The following ANKRD45 variants were observed in gnomAD, a reference collection of about 807,000 sequenced individuals.
ANKRD45 encodes the protein ankyrin repeat domain 45.
A neutral mutation model predicts 28.1 loss-of-function variants in ANKRD45; 21 were observed. That is an observed-to-expected ratio of 0.75 (90% CI 0.53 to 1.08). ANKRD45 has a LOEUF of 1.08. Among genes scored for constraint, ANKRD45 ranks in the 50% least tolerant of loss-of-function variants. The pLI is 0.00. For synonymous variants in ANKRD45, 86 were observed against 103.9 expected, an observed-to-expected ratio of 0.83 and a Z score of 1.05; for missense variants, 261 against 308.7, an observed-to-expected ratio of 0.85 and a Z score of 1.16.
the ANKRD45 span, among the ~76,000 whole-genome samples, chr1:173,700,861 A>G: frequency 6.6e-6 from 1 of 152,266 alleles, no homozygotes; most frequent in East Asian, 1.9e-4. Context: ...ACAGCAAAAG[A>G]AACTACCATC....
At chr1:173,644,157 G>A (rs1015867906) in intron 3 of ANKRD45, among the ~76,000 whole-genome samples, 1 of 152,042 alleles carries the variant, frequency 6.6e-6, no homozygotes, top group Admixed American at 6.6e-5. Context: ...GACTATTTGG[G>A]GTAGGGATTT....
chr1:173,668,572 T>C (rs1293248173), intron 1 of ANKRD45, among the ~76,000 whole-genome samples: 1 of 152,148 alleles, frequency 6.6e-6, no homozygotes, highest in Admixed American at 6.5e-5. Flanking sequence ...CAGGGCACCA[T>C]CTCAAGGAAA....
chr1:173,680,721 A>T, the ANKRD45 span, among the ~76,000 whole-genome samples: 1 of 152,196 alleles, frequency 6.6e-6, no homozygotes, highest in Non-Finnish European at 1.5e-5. Context: ...ACCAACCCAA[A>T]TGCCCACCAC....
chr1:173,643,980 G>C (rs1246019832), intron 3 of ANKRD45, among the ~76,000 whole-genome samples: 1 of 152,136 alleles, frequency 6.6e-6, no homozygotes, highest in Non-Finnish European at 1.5e-5. Context: ...TTCTAGAAAT[G>C]TTTGTTTCAT....
At chr1:173,694,833 T>C in the ANKRD45 span, among the ~76,000 whole-genome samples, 1 of 152,140 alleles carries the variant, frequency 6.6e-6, no homozygotes, top group Non-Finnish European at 1.5e-5. Flanking sequence ...TCCATAACCA[T>C]GGAATTTAAG....
At chr1:173,625,596 C>T (rs1422285530) in intron 4 of ANKRD45, among the ~76,000 whole-genome samples, 1 of 152,046 alleles carries the variant, frequency 6.6e-6, no homozygotes, top group Non-Finnish European at 1.5e-5. Context: ...GTGGTATGTC[C>T]TGTCCATACT....
intron 3 of ANKRD45, chr1:173,635,870 T>C: frequency 6.9e-7 from 1 of 1,458,250 alleles, no homozygotes; most frequent in Non-Finnish European, 9.2e-7. Context: ...CAAGTAGTAA[T>C]AGTTACAAAA....
At chr1:173,686,979 T>C in the ANKRD45 span, among the ~76,000 whole-genome samples, 1 of 152,194 alleles carries the variant, frequency 6.6e-6, no homozygotes, top group Non-Finnish European at 1.5e-5. Flanking sequence ...GTTAGTGCTT[T>C]AAGAAAAACC....
At position 173,609,263 on chromosome 1, in the gene ANKRD45, C is replaced by T. The variant is rs1667046336; in HGVS notation, c.*882G>A. Among the ~76,000 whole-genome samples, 2 of 152,122 alleles carry T rather than the reference C, an allele frequency of 1.3e-5. No homozygotes were observed. The highest frequency in any genetic ancestry group is 4.8e-5 in the African/African-American group (2 of 41,428). Reference sequence around the variant, plus strand: ...AATTACCCATTCCTTTTCCTTCTCCCCATAAGGGAAAACTAGCTTTCAGAA... The same window carrying T: ...AATTACCCATTCCTTTTCCTTCTCCTCATAAGGGAAAACTAGCTTTCAGAA... On this transcript the variant is annotated 3_prime_UTR_variant, in exon 6 of 6. Coordinates refer to ENST00000333279, the MANE Select transcript of ANKRD45 (RefSeq NM_198493.3).
chr1:173,638,610 T>A (rs768872646), intron 3 of ANKRD45, among the ~76,000 whole-genome samples: 52 of 152,232 alleles, frequency 3.4e-4, no homozygotes, highest in African/African-American at 1.2e-3. Flanking sequence ...ACAGGGAAGA[T>A]AAACACCTGT....
At chr1:173,611,369 A>G (rs1225304282) in intron 5 of ANKRD45, among the ~76,000 whole-genome samples, 1 of 152,130 alleles carries the variant, frequency 6.6e-6, no homozygotes, top group Admixed American at 6.5e-5. Context: ...CTCCTAGGAG[A>G]GTGCTATGTG....
At chr1:173,611,588 C>T (rs1474561260) in intron 5 of ANKRD45, among the ~76,000 whole-genome samples, 1 of 136,646 alleles carries the variant, frequency 7.3e-6, no homozygotes, top group Non-Finnish European at 1.6e-5. Context: ...CACACACACA[C>T]ACACACACAC....
chr1:173,617,229 TC>T (rs963039973), intron 5 of ANKRD45, among the ~76,000 whole-genome samples: 3 of 151,948 alleles, frequency 2.0e-5, no homozygotes, highest in African/African-American at 7.3e-5. Flanking sequence ...ATTTATATGC[TC>T]CCCTAGGAAT....
chr1:173,689,576 C>A, the ANKRD45 span, among the ~76,000 whole-genome samples: 1 of 152,062 alleles, frequency 6.6e-6, no homozygotes, highest in African/African-American at 2.4e-5. Flanking sequence ...ACATTCCTTG[C>A]CCAAGGGGAT....
At chr1:173,620,180 T>C (rs1667640719) in intron 5 of ANKRD45, among the ~76,000 whole-genome samples, 1 of 152,160 alleles carries the variant, frequency 6.6e-6, no homozygotes, top group African/African-American at 2.4e-5. Flanking sequence ...TGGCACTTAC[T>C]CAAAAATTGA....
At chr1:173,654,725 C>T (rs769931612) in intron 2 of ANKRD45, among the ~76,000 whole-genome samples, 8 of 152,186 alleles carry the variant, frequency 5.3e-5, no homozygotes, top group Non-Finnish European at 1.0e-4. Flanking sequence ...CCATCACTTT[C>T]GGGTACACCA....
chr1:173,612,335 G>A (rs931964715), intron 5 of ANKRD45, among the ~76,000 whole-genome samples: 12 of 148,296 alleles, frequency 8.1e-5, no homozygotes, highest in Non-Finnish European at 1.2e-4. Flanking sequence ...AAGGAAGGAA[G>A]GAAGGAAGGA....
At chr1:173,614,568 T>C (rs1157363899) in intron 5 of ANKRD45, among the ~76,000 whole-genome samples, 1 of 152,146 alleles carries the variant, frequency 6.6e-6, no homozygotes, top group Non-Finnish European at 1.5e-5. Flanking sequence ...GCCACTTTCA[T>C]AGATTTCGTA....
At chr1:173,678,119 C>T in the ANKRD45 span, among the ~76,000 whole-genome samples, 1 of 152,154 alleles carries the variant, frequency 6.6e-6, no homozygotes, top group Non-Finnish European at 1.5e-5. Context: ...AACACAGATT[C>T]ACAGTCAAAT....
Sources: allele counts gnomAD v4.1 joint callset (sites outside exome capture counted in the v4.1 genomes callset), GRCh38; gene constraint gnomAD v4.1.1; transcripts MANE v1.5; gene names NCBI Gene and HGNC (gene_info 2026-07-23, HGNC 2026-07-21).